LUZP2: variants seen among roughly 807,000 people sequenced by gnomAD.
LUZP2 encodes the protein leucine zipper protein 2.
A neutral mutation model predicts 51.6 loss-of-function variants in LUZP2; 52 were observed. The ratio of observed to expected loss-of-function variants is 1.01; its 90% confidence interval spans 0.81 to 1.27. The LOEUF is 1.27. LUZP2 is among the 50% of genes most tolerant of loss of function. The pLI, the probability that LUZP2 is intolerant of heterozygous loss-of-function variation, is 0.00. For missense variants in LUZP2, 436 were observed against 395.4 expected, an observed-to-expected ratio of 1.10 and a Z score of -0.87; for synonymous variants, 154 against 137.3, an observed-to-expected ratio of 1.12 and a Z score of -0.85.
chr11:24,888,159 A>T (rs1852731884), intron 5 of LUZP2, among the ~76,000 whole-genome samples: 1 of 152,142 alleles, frequency 6.6e-6, no homozygotes, highest in South Asian at 2.1e-4. Flanking sequence ...AAGCACAGTG[A>T]TTTACAGCCT....
intron 10 of LUZP2, among the ~76,000 whole-genome samples, chr11:25,075,753 C>G (rs928397862): frequency 6.6e-6 from 1 of 151,974 alleles, no homozygotes; most frequent in African/African-American, 2.4e-5. Context: ...GAGAAACGTA[C>G]AGATACATGG....
intron 5 of LUZP2, among the ~76,000 whole-genome samples, chr11:24,895,010 G>T (rs547804650): frequency 1.1e-4 from 16 of 152,062 alleles, no homozygotes; most frequent in Non-Finnish European, 2.2e-4. Flanking sequence ...AATCTAACTT[G>T]GTTACAGCAA....
At chr11:24,898,278 C>T (rs1388633522) in intron 5 of LUZP2, among the ~76,000 whole-genome samples, 1 of 152,050 alleles carries the variant, frequency 6.6e-6, no homozygotes, top group Non-Finnish European at 1.5e-5. Context: ...ATGTCAGATC[C>T]TTGTATCTGT....
intron 4 of LUZP2, among the ~76,000 whole-genome samples, chr11:24,758,878 A>ATTGATTGAAAAAAGATGATCTTCCT (rs1859871783): frequency 6.6e-6 from 1 of 152,014 alleles, no homozygotes; most frequent in Admixed American, 6.6e-5. Context: ...TCATTTTTTC[A>ATTGATTGAAAAAAGATGATCTTCCT]TTGATTGAAA....
At chr11:24,674,865 A>C (rs1175879249) in intron 1 of LUZP2, among the ~76,000 whole-genome samples, 1 of 152,200 alleles carries the variant, frequency 6.6e-6, no homozygotes, top group African/African-American at 2.4e-5. Context: ...GGGTTGGATA[A>C]GAGGAATTTC....
chr11:24,751,737 C>T (rs1270535865), intron 4 of LUZP2, among the ~76,000 whole-genome samples: 1 of 149,906 alleles, frequency 6.7e-6, no homozygotes, highest in East Asian at 1.9e-4. Flanking sequence ...CAGATAAGGG[C>T]TAAAATGACA....
At chr11:24,874,844 C>T (rs1590671381) in intron 5 of LUZP2, among the ~76,000 whole-genome samples, 1 of 152,084 alleles carries the variant, frequency 6.6e-6, no homozygotes, top group East Asian at 1.9e-4. Flanking sequence ...TCCAGTTCCT[C>T]AATTGGGATG....
At chr11:24,967,737 ATG>A (rs1476856956) in intron 7 of LUZP2, among the ~76,000 whole-genome samples, 1 of 151,950 alleles carries the variant, frequency 6.6e-6, no homozygotes. Context: ...TGCAACTTTT[ATG>A]TTAAGATTTC....
intron 1 of LUZP2, among the ~76,000 whole-genome samples, chr11:24,671,171 C>T (rs1276022922): frequency 6.6e-6 from 1 of 151,716 alleles, no homozygotes; most frequent in Non-Finnish European, 1.5e-5. Context: ...GGGCCTCATT[C>T]CAAGAAAAAA....
At chr11:25,055,815 G>T (rs1858671103) in intron 10 of LUZP2, among the ~76,000 whole-genome samples, 1 of 152,152 alleles carries the variant, frequency 6.6e-6, no homozygotes, top group Non-Finnish European at 1.5e-5. Context: ...GTTTCCAGCT[G>T]TGTAATCATG....
At chr11:24,877,341 A>T (rs1340609996) in intron 5 of LUZP2, among the ~76,000 whole-genome samples, 1 of 152,174 alleles carries the variant, frequency 6.6e-6, no homozygotes, top group African/African-American at 2.4e-5. Flanking sequence ...TCTCTGATAT[A>T]GATCTTACTA....
At chr11:24,756,748 T>C (rs990496079) in intron 4 of LUZP2, among the ~76,000 whole-genome samples, 11 of 152,022 alleles carry the variant, frequency 7.2e-5, no homozygotes, top group Non-Finnish European at 7.4e-5. Flanking sequence ...ACCAGCTGAG[T>C]CTCCTCCAAT....
chr11:24,864,145 G>A (rs548813454), intron 5 of LUZP2, among the ~76,000 whole-genome samples: 10 of 152,178 alleles, frequency 6.6e-5, no homozygotes, highest in African/African-American at 2.4e-4. Context: ...AATGGTAATA[G>A]TGCTACTAAT....
At chr11:24,809,187 T>C (rs1849945798) in intron 5 of LUZP2, among the ~76,000 whole-genome samples, 1 of 152,146 alleles carries the variant, frequency 6.6e-6, no homozygotes, top group East Asian at 1.9e-4. Context: ...TCTAAAAATG[T>C]TTCATATCAC....
chr11:24,616,468 C>CATGTGTGTGTGT (rs1565031213), intron 1 of LUZP2, among the ~76,000 whole-genome samples: 1 of 76,602 alleles, frequency 1.3e-5, no homozygotes, highest in Non-Finnish European at 2.5e-5. Flanking sequence ...TGGTATTTGG[C>CATGTGTGTGTGT]GTGCGCATGT....
At chr11:24,732,258 T>C in intron 3 of LUZP2, 70 bp downstream of exon 3, 1 of 1,124,462 alleles carries the variant, frequency 8.9e-7, no homozygotes, top group Non-Finnish European at 1.3e-6. Flanking sequence ...CTTCACAAAA[T>C]TTATTGATTC....
chr11:24,831,135 G>A (rs181534806), intron 5 of LUZP2, among the ~76,000 whole-genome samples: 2 of 152,294 alleles, frequency 1.3e-5, no homozygotes, highest in Non-Finnish European at 2.9e-5. Context: ...ACAAACAACT[G>A]ACTATCTAGC....
intron 7 of LUZP2, among the ~76,000 whole-genome samples, chr11:24,947,948 G>A (rs559416062): frequency 6.7e-4 from 101 of 151,704 alleles, no homozygotes; most frequent in African/African-American, 1.8e-3. Flanking sequence ...AATTCTTTGC[G>A]TTTGTCTTAT....
intron 4 of LUZP2, among the ~76,000 whole-genome samples, chr11:24,748,260 T>G (rs1422658963): frequency 6.6e-6 from 1 of 152,132 alleles, no homozygotes; most frequent in Non-Finnish European, 1.5e-5. Context: ...CTCAGCTCTC[T>G]AAATTGACTC....
Sources: allele counts gnomAD v4.1 joint callset (sites outside exome capture counted in the v4.1 genomes callset), GRCh38; gene constraint gnomAD v4.1.1; transcripts MANE v1.5; gene names NCBI Gene and HGNC (gene_info 2026-07-23, HGNC 2026-07-21).